TLL1: variants seen among roughly 807,000 people sequenced by gnomAD.
The protein encoded by TLL1 is tolloid-like protein 1.
Under a neutral mutation model 128.2 loss-of-function variants are expected in TLL1, and 49 were observed. That is an observed-to-expected ratio of 0.38 (90% CI 0.30 to 0.48). TLL1 has a LOEUF of 0.48. TLL1 is among the 20% of genes least tolerant of loss of function. TLL1 has a pLI of 0.96. For missense variants in TLL1, 1,123 were observed against 1,242.0 expected (o/e 0.90, Z 1.44); for synonymous variants, 454 against 418.8 (o/e 1.08, Z -1.03).
In TLL1 at chr4:165,982,853, G is replaced by T. The variant is rs533229733; in HGVS notation, c.170-6528G>T. Among the ~76,000 whole-genome samples, 51 of 151,610 alleles carry T rather than the reference G, an allele frequency of 3.4e-4. 1 individual carries two copies. The East Asian group carries it at 8.9e-3, about 27-fold the overall frequency. ...ATAAGGAAACTTAATTCAAAAAGAC[G>T]TATCAGGGTTGACTCCCACCCTGGC... On this transcript the variant is annotated intron_variant, in intron 1 of 20. Transcript: ENST00000061240.
At chr4:166,096,015 C>T (rs1464075831) in intron 19 of TLL1, among the ~76,000 whole-genome samples, 4 of 151,962 alleles carry the variant, frequency 2.6e-5, no homozygotes, top group Non-Finnish European at 5.9e-5. Flanking sequence ...CTTGAGTGGC[C>T]GGGAGGATTC....
chr4:166,079,373 A>G (rs1741184129), intron 18 of TLL1, among the ~76,000 whole-genome samples: 1 of 152,186 alleles, frequency 6.6e-6, no homozygotes, highest in South Asian at 2.1e-4. Context: ...TGTATAAAGT[A>G]TGTGCATTAG....
At chr4:166,100,712 T>C in intron 20 of TLL1, 30 bp from the exon 21 acceptor site, 1 of 1,612,162 alleles carries the variant, frequency 6.2e-7, no homozygotes, top group East Asian at 2.2e-5. Context: ...ATTGCTTGTT[T>C]ACTTGCTTGT....
chr4:166,053,153 G>A (rs1175738221), intron 12 of TLL1: 2 of 151,028 alleles, frequency 1.3e-5, no homozygotes, highest in African/African-American at 2.4e-5. Flanking sequence ...AGTATCCAAT[G>A]AGCACCTACC....
chr4:166,099,433 T>C lies in TLL1; in HGVS notation c.2813T>C (p.Val938Ala). Residue 938 changes from valine (V) to alanine (A), a missense_variant, in exon 20 of 21, where the codon GTG becomes GCG. Coordinates refer to ENST00000061240, the MANE Select transcript of TLL1 (RefSeq NM_012464.5). Reference sequence around the variant, plus strand: ...GAATTATCCTTCCAGACATTTGAAGTGGAGGAAGAAGCAGACTGTGGCTAT... The same window carrying C: ...GAATTATCCTTCCAGACATTTGAAGCGGAGGAAGAAGCAGACTGTGGCTAT... ...RLELSFQTFE[V>A]EEEADCGYDY... The C allele has an allele frequency of 3.7e-6, 6 of 1,613,436 alleles. No individual in the cohort carries two copies. Among genetic ancestry groups the C allele is most frequent in the Non-Finnish European group, 3.4e-6 (4 of 1,179,640 alleles).
At chr4:165,950,184 A>G (rs1395095687) in intron 1 of TLL1, among the ~76,000 whole-genome samples, 1 of 152,172 alleles carries the variant, frequency 6.6e-6, no homozygotes, top group Non-Finnish European at 1.5e-5. Flanking sequence ...AAGAAGGAAT[A>G]TTATGTAAAA....
At chr4:166,038,466 G>A (rs1739097015) in intron 9 of TLL1, among the ~76,000 whole-genome samples, 1 of 149,102 alleles carries the variant, frequency 6.7e-6, no homozygotes, top group Non-Finnish European at 1.5e-5. Flanking sequence ...AAGCAGAATA[G>A]AGTTAGAATG....
At chr4:166,008,600 A>C (rs1268191723) in intron 7 of TLL1, among the ~76,000 whole-genome samples, 1 of 151,512 alleles carries the variant, frequency 6.6e-6, no homozygotes, top group Admixed American at 6.6e-5. Context: ...ATAGTTCATC[A>C]CTCATTAACC....
chr4:166,096,218 T>TGTGTGTGTGTGTGTGTGG (rs1742012644), intron 19 of TLL1, among the ~76,000 whole-genome samples: 1 of 114,672 alleles, frequency 8.7e-6, no homozygotes, highest in Non-Finnish European at 2.1e-5. Context: ...TGGGTGTGTG[T>TGTGTGTGTGTGTGTGTGG]GTGTGTGTGT....
rs916160187 is a variant in TLL1 at position 166,019,224 on chromosome 4, G to A, written c.1042+4664G>A. On this transcript the variant is annotated intron_variant, in intron 8 of 20. Coordinates refer to ENST00000061240, the MANE Select transcript of TLL1 (RefSeq NM_012464.5). ...AGGCATAGAAAACCAAATACTGCAT[G>A]TTCTCACTTATAAGTGGGAGCTAAA... Among the ~76,000 whole-genome samples, 13 of 152,126 alleles carry A rather than the reference G, an allele frequency of 8.5e-5. No homozygotes were observed. In the South Asian group the frequency reaches 1.2e-3, roughly 15 times the overall value.
intron 17 of TLL1, among the ~76,000 whole-genome samples, chr4:166,076,503 T>C (rs1036307332): frequency 2.6e-5 from 4 of 152,208 alleles, no homozygotes; most frequent in African/African-American, 9.6e-5. Context: ...ATAAATGATA[T>C]AGGAAACTTC....
intron 1 of TLL1, among the ~76,000 whole-genome samples, chr4:165,937,364 AT>A (rs1260284887): frequency 6.6e-6 from 1 of 152,202 alleles, no homozygotes; most frequent in Non-Finnish European, 1.5e-5. Context: ...GAATTAGAAT[AT>A]TCCATAATTA....
At chr4:165,943,342 AATGTT>A (rs1167319594) in intron 1 of TLL1, among the ~76,000 whole-genome samples, 5 of 152,040 alleles carry the variant, frequency 3.3e-5, no homozygotes, top group African/African-American at 9.7e-5. Flanking sequence ...TATGTACTGT[AATGTT>A]AATTTTATTT....
chr4:165,904,578 A>C (rs187874705), intron 1 of TLL1, among the ~76,000 whole-genome samples: 1 of 152,362 alleles, frequency 6.6e-6, no homozygotes, highest in East Asian at 1.9e-4. Flanking sequence ...GATAAATTAT[A>C]AATTGTAGAA....
intron 8 of TLL1, among the ~76,000 whole-genome samples, chr4:166,016,141 A>G (rs538349204): frequency 1.3e-5 from 2 of 152,102 alleles, no homozygotes; most frequent in East Asian, 3.9e-4. Context: ...ATCCCTTTAA[A>G]ATGTTTTATG....
chr4:165,973,569 AG>A (rs1236111525), intron 1 of TLL1, among the ~76,000 whole-genome samples: 1 of 151,868 alleles, frequency 6.6e-6, no homozygotes, highest in Non-Finnish European at 1.5e-5. Context: ...GTGGCTGGAA[AG>A]GGGAGGTAAG....
At chr4:165,923,596 A>G (rs911918810) in intron 1 of TLL1, among the ~76,000 whole-genome samples, 2 of 150,862 alleles carry the variant, frequency 1.3e-5, no homozygotes, top group Non-Finnish European at 3.0e-5. Flanking sequence ...ACCACGCTCC[A>G]CTAATTTTTT....
At chr4:165,963,054 CAAAAA>C (rs869191830) in intron 1 of TLL1, among the ~76,000 whole-genome samples, 9 of 18,330 alleles carry the variant, frequency 4.9e-4, no homozygotes, top group Non-Finnish European at 6.2e-4. Flanking sequence ...GGCTCTGTCT[CAAAAA>C]AAAAAAAAAA....
At chr4:166,007,363 C>T (rs1387080229) in intron 6 of TLL1, among the ~76,000 whole-genome samples, 1 of 151,628 alleles carries the variant, frequency 6.6e-6, no homozygotes, top group Non-Finnish European at 1.5e-5. Context: ...AGGAGAACTG[C>T]CTTTTCATCA....
Sources: gnomAD v4.1 joint callset for allele counts (sites outside exome capture counted in the v4.1 genomes callset) on GRCh38, gnomAD v4.1.1 for gene constraint, MANE v1.5 for transcripts, NCBI Gene and HGNC (gene_info 2026-07-23, HGNC 2026-07-21) for gene names.